Variants in CRADD observed in about 807,000 individuals in gnomAD.
CRADD encodes the protein CARD and death domain containing adaptor protein.
CRADD carries 9 observed loss-of-function variants against 15.5 expected under a neutral mutation model. The observed-to-expected ratio is 0.58, with a 90% confidence interval of 0.35 to 1.01. CRADD has a LOEUF of 1.01. CRADD is among the 50% of genes least tolerant of loss of function. The probability of loss-of-function intolerance (pLI) is 0.02; values close to 1 mark genes in which losing one functional copy is unlikely to be tolerated. For synonymous variants in CRADD, 118 were observed against 107.6 expected (o/e 1.10, Z -0.60); for missense variants, 227 against 250.3 (o/e 0.91, Z 0.63).
At chr12:93,872,204 C>A (rs1215607411) in intron 2 of CRADD, among the ~76,000 whole-genome samples, 1 of 152,058 alleles carries the variant, frequency 6.6e-6, no homozygotes, top group Non-Finnish European at 1.5e-5. Context: ...GCCATTTGTA[C>A]GTTTTCTGTT....
chr12:93,841,261 G>T (rs913084344), intron 2 of CRADD, among the ~76,000 whole-genome samples: 1 of 152,028 alleles, frequency 6.6e-6, no homozygotes, highest in African/African-American at 2.4e-5. Context: ...TTCTAAAATC[G>T]TAACTGAAAC....
intron 2 of CRADD, among the ~76,000 whole-genome samples, chr12:93,798,522 G>T (rs1443284464): frequency 6.6e-6 from 1 of 151,998 alleles, no homozygotes; most frequent in Admixed American, 6.6e-5. Context: ...TTTTAATCAT[G>T]ACCTCTCAGA....
At chr12:93,753,781 A>T (rs567548425) in intron 2 of CRADD, among the ~76,000 whole-genome samples, 1 of 152,336 alleles carries the variant, frequency 6.6e-6, no homozygotes, top group East Asian at 1.9e-4. Flanking sequence ...GTGGCTTTGC[A>T]GGGTATAGCC....
At chr12:93,713,482 T>C (rs143376684) in intron 2 of CRADD, among the ~76,000 whole-genome samples, 72 of 152,314 alleles carry the variant, frequency 4.7e-4, no homozygotes, top group African/African-American at 1.5e-3. Flanking sequence ...AAGTTCCTCA[T>C]ATAAAAATGG....
intron 2 of CRADD, among the ~76,000 whole-genome samples, chr12:93,814,977 C>A (rs1335117421): frequency 6.6e-6 from 1 of 152,116 alleles, no homozygotes; most frequent in Non-Finnish European, 1.5e-5. Context: ...TTGGAATCAC[C>A]CCCTTGGGTG....
chr12:93,678,316 C>A (rs958609393), intron 1 of CRADD, among the ~76,000 whole-genome samples: 2 of 152,172 alleles, frequency 1.3e-5, no homozygotes, highest in Admixed American at 6.5e-5. Flanking sequence ...AAAAAGGGGA[C>A]CTGCGTCCAC....
chr12:93,846,568 A>G (rs1412883234), intron 2 of CRADD: 3 of 150,104 alleles, frequency 2.0e-5, no homozygotes, highest in Admixed American at 6.7e-5. Flanking sequence ...ACACAATACA[A>G]CGTTAAAACC....
intron 2 of CRADD, among the ~76,000 whole-genome samples, chr12:93,867,245 TCA>T (rs1958375426): frequency 1.3e-5 from 2 of 151,928 alleles, no homozygotes; most frequent in South Asian, 4.2e-4. Context: ...GTTTTCTAAC[TCA>T]CAACATTTTA....
At chr12:93,886,109 C>T (rs928063209) in intron 2 of CRADD, among the ~76,000 whole-genome samples, 13 of 147,830 alleles carry the variant, frequency 8.8e-5, no homozygotes, top group African/African-American at 3.3e-4. Flanking sequence ...GTCTTTATAT[C>T]TATAAGATAT....
intron 2 of CRADD, among the ~76,000 whole-genome samples, chr12:93,827,166 A>G (rs1324969824): frequency 2.6e-5 from 4 of 152,218 alleles, no homozygotes; most frequent in Admixed American, 2.6e-4. Context: ...CACAGTCAGA[A>G]TGATGAACCT....
intron 2 of CRADD, among the ~76,000 whole-genome samples, chr12:93,701,335 C>A (rs1365033848): frequency 1.3e-5 from 2 of 149,086 alleles, no homozygotes; most frequent in African/African-American, 2.5e-5. Flanking sequence ...CACACACAAT[C>A]TGTAAGTAGT....
intron 2 of CRADD, among the ~76,000 whole-genome samples, chr12:93,754,979 G>C (rs1956871973): frequency 6.6e-6 from 1 of 151,882 alleles, no homozygotes; most frequent in Non-Finnish European, 1.5e-5. Flanking sequence ...AAAAAAAAAG[G>C]GTTTAGTGGA....
intron 2 of CRADD, chr12:93,709,136 C>G (rs1400199558): frequency 6.6e-6 from 1 of 152,270 alleles, no homozygotes; most frequent in Non-Finnish European, 1.5e-5. Context: ...ATTCATAGAT[C>G]ATGTGCATCA....
intron 2 of CRADD, among the ~76,000 whole-genome samples, chr12:93,727,075 A>G (rs1956381225): frequency 6.6e-6 from 1 of 152,194 alleles, no homozygotes; most frequent in South Asian, 2.1e-4. Flanking sequence ...CTTATTTATG[A>G]TGCTCAGGTG....
At position 93,774,024 on chromosome 12, in the gene CRADD, T is replaced by A. The variant is rs1162211879; in HGVS notation, c.299-75946T>A. Reference sequence around the variant, plus strand: ...AATTTTTTTTTTTTTTTTGTAGAGATGGGGTTTCACCTTGTTGCCCAGGCT... The same window carrying A: ...AATTTTTTTTTTTTTTTTGTAGAGAAGGGGTTTCACCTTGTTGCCCAGGCT... On this transcript the variant is annotated intron_variant, in intron 2 of 2. Transcript: ENST00000332896. Among the ~76,000 whole-genome samples the A allele has an allele frequency of 2.1e-5, 3 of 144,956 alleles. No individual in the cohort carries two copies. In the East Asian group the frequency reaches 6.2e-4, roughly 30 times the overall value.
rs527614490 is a variant in CRADD at position 93,742,994 on chromosome 12, C to T, written c.298+63922C>T. Among the ~76,000 whole-genome samples the T allele has an allele frequency of 1.1e-3, 174 of 152,332 alleles. 1 individual carries two copies. The highest frequency in any genetic ancestry group is 3.4e-3 in the Middle Eastern group (1 of 294). ...ATCCTGCAGAATTAAAAATAAATGT[C>T]TGCCCTTTAAAATAGTTTCGTTTTA... On this transcript the variant is annotated intron_variant, in intron 2 of 2. Coordinates refer to ENST00000332896, the MANE Select transcript of CRADD (RefSeq NM_003805.5).
chr12:93,795,976 C>A (rs1416714845), intron 2 of CRADD, among the ~76,000 whole-genome samples: 1 of 152,192 alleles, frequency 6.6e-6, no homozygotes, highest in African/African-American at 2.4e-5. Context: ...AAGGTGAAAT[C>A]TTTTGTCACA....
At chr12:93,712,923 T>C (rs995619180) in intron 2 of CRADD, among the ~76,000 whole-genome samples, 2 of 152,008 alleles carry the variant, frequency 1.3e-5, no homozygotes, top group South Asian at 2.1e-4. Context: ...CTGAGCTTGG[T>C]GGCAGAATTG....
At chr12:93,868,795 T>A (rs1237013267) in intron 2 of CRADD, among the ~76,000 whole-genome samples, 2 of 151,994 alleles carry the variant, frequency 1.3e-5, no homozygotes, top group African/African-American at 2.4e-5. Context: ...ATCCACCACC[T>A]GCAGAAAAAG....
Sources: gnomAD v4.1 joint callset for allele counts (sites outside exome capture counted in the v4.1 genomes callset) on GRCh38, gnomAD v4.1.1 for gene constraint, MANE v1.5 for transcripts, NCBI Gene and HGNC (gene_info 2026-07-23, HGNC 2026-07-21) for gene names.